ROR1: variants seen among roughly 807,000 people sequenced by gnomAD.
The protein encoded by ROR1 is ROR family WNT receptor 1, also known as inactive tyrosine-protein kinase transmembrane receptor ROR1.
Under a neutral mutation model 78.8 loss-of-function variants are expected in ROR1, and 19 were observed. The ratio of observed to expected loss-of-function variants is 0.24; its 90% CI spans 0.17 to 0.35. ROR1 has a LOEUF of 0.35. Ranked by LOEUF, ROR1 falls within the 10% of genes least tolerant of loss-of-function variation. The pLI is 1.00. For synonymous variants in ROR1, 386 were observed against 433.6 expected, an observed-to-expected ratio of 0.89 and a Z score of 1.36; for missense variants, 917 against 1,177.8, an observed-to-expected ratio of 0.78 and a Z score of 3.24.
rs927590672 is a variant in ROR1 at position 63,967,258 on chromosome 1, T to A, written c.92-42047T>A. Among the ~76,000 whole-genome samples the A allele has an allele frequency of 1.8e-4, 27 of 152,278 alleles. 1 individual carries two copies. The highest frequency in any genetic ancestry group is 1.0e-3 in the Admixed American group (16 of 15,300). ...TGGGAATAAGTATAAGAATTTTTCA[T>A]TCCTTCTGGAGAAATGACATCATGA... On this transcript the variant is annotated intron_variant, in intron 1 of 8. Transcript: ENST00000371079.
intron 1 of ROR1, among the ~76,000 whole-genome samples, chr1:63,856,715 C>G (rs973053888): frequency 6.6e-6 from 1 of 152,178 alleles, no homozygotes; most frequent in African/African-American, 2.4e-5. Context: ...CTTCCTTCTT[C>G]CAGGGATCAC....
At chr1:63,940,939 T>A (rs1384627339) in intron 1 of ROR1, among the ~76,000 whole-genome samples, 2 of 152,192 alleles carry the variant, frequency 1.3e-5, no homozygotes, top group Admixed American at 1.3e-4. Flanking sequence ...TGTGTAGTAT[T>A]CTGACCAACA....
At chr1:64,152,585 C>G (rs1364398110) in intron 7 of ROR1, among the ~76,000 whole-genome samples, 1 of 152,146 alleles carries the variant, frequency 6.6e-6, no homozygotes, top group East Asian at 1.9e-4. Flanking sequence ...TTGGTTACAT[C>G]AACAATTATT....
chr1:63,797,941 C>T (rs1644771653), intron 1 of ROR1, among the ~76,000 whole-genome samples: 1 of 151,578 alleles, frequency 6.6e-6, no homozygotes, highest in Admixed American at 6.6e-5. Context: ...CTAAATACTG[C>T]ACCACATAAT....
intron 1 of ROR1, among the ~76,000 whole-genome samples, chr1:63,807,057 C>A (rs192982407): frequency 6.6e-6 from 1 of 152,144 alleles, no homozygotes; most frequent in African/African-American, 2.4e-5. Flanking sequence ...AATTTAGTTT[C>A]TCAGAGTCTT....
At chr1:63,944,196 A>G (rs1645864486) in intron 1 of ROR1, among the ~76,000 whole-genome samples, 3 of 152,224 alleles carry the variant, frequency 2.0e-5, no homozygotes, top group Admixed American at 2.0e-4. Flanking sequence ...TGATACACAA[A>G]GAACCTACTT....
Position 64,011,747 on chromosome 1 carries a change from G to A in ROR1, c.163+2371G>A, listed in dbSNP as rs569209684. Among the ~76,000 whole-genome samples the A allele has an allele frequency of 5.9e-5, 9 of 152,292 alleles. No homozygotes were observed. In the East Asian group the frequency reaches 1.5e-3, roughly 26 times the overall value. ...TGCTTGGCATCATCTTTCTCTAGAA[G>A]GTAATTAGTGTATATTCTTTAATTT... is the stretch of plus-strand genomic sequence containing the variant. On this transcript the variant is annotated intron_variant, in intron 2 of 8. Coordinates refer to ENST00000371079, the MANE Select transcript of ROR1 (RefSeq NM_005012.4).
chr1:63,967,779 G>A (rs951816471), intron 1 of ROR1, among the ~76,000 whole-genome samples: 9 of 152,264 alleles, frequency 5.9e-5, no homozygotes, highest in African/African-American at 2.2e-4. Context: ...GAATTGGAGG[G>A]GGAGCTTGGA....
intron 1 of ROR1, among the ~76,000 whole-genome samples, chr1:63,965,185 A>C (rs1052258680): frequency 2.6e-5 from 4 of 152,140 alleles, no homozygotes; most frequent in African/African-American, 9.7e-5. Context: ...AATTTGCCCA[A>C]CGTTAACACA....
chr1:63,891,682 A>T (rs1164557899), intron 1 of ROR1, among the ~76,000 whole-genome samples: 1 of 152,108 alleles, frequency 6.6e-6, no homozygotes, highest in East Asian at 1.9e-4. Context: ...CAATCTGCAG[A>T]GGGCCCGGTA....
chr1:63,961,205 G>A (rs1482880654), intron 1 of ROR1, among the ~76,000 whole-genome samples: 2 of 152,034 alleles, frequency 1.3e-5, no homozygotes, highest in Non-Finnish European at 2.9e-5. Flanking sequence ...TGGCAAGGAT[G>A]TGGAAAACGG....
intron 1 of ROR1, among the ~76,000 whole-genome samples, chr1:63,781,948 T>A (rs1644653984): frequency 6.6e-6 from 1 of 152,162 alleles, no homozygotes; most frequent in Non-Finnish European, 1.5e-5. Context: ...ACTGGACTGC[T>A]TTGGGTATGG....
In ROR1 at chr1:64,077,851, A is replaced by G. The variant is rs115976216; in HGVS notation, c.482+27135A>G. Among the ~76,000 whole-genome samples the G allele has an allele frequency of 8.5e-3, 1,289 of 152,346 alleles. 19 individuals are homozygous for G. The highest frequency in any genetic ancestry group is 0.03 in the African/African-American group (1,237 of 41,576). On this transcript the variant is annotated intron_variant, in intron 4 of 8. Coordinates refer to ENST00000371079, the MANE Select transcript of ROR1 (RefSeq NM_005012.4). ...AGCATGTCCTTGCTAATTACAATAC[A>G]CAATCATTGCCTTATGTTGATGCAG...
chr1:64,080,878 G>A (rs930197610), intron 4 of ROR1, among the ~76,000 whole-genome samples: 2 of 152,174 alleles, frequency 1.3e-5, no homozygotes, highest in African/African-American at 2.4e-5. Flanking sequence ...CCAAGACGGT[G>A]GTATGAAAGC....
rs1644600955 is a variant in ROR1, at chr1:63,774,558, C to T, written c.91+50C>T. On this transcript the variant is annotated intron_variant, in intron 1 of 8. Coordinates refer to ENST00000371079, the MANE Select transcript of ROR1 (RefSeq NM_005012.4). The surrounding 1 kb of genome is among the most constrained non-coding windows in gnomAD (Gnocchi z 5.7). ...CCCGCCCAGACCCCCTGACCCGTGG[C>T]CACCCTTCCGCCGTCCAGCCGGGCG... 5.4e-6 allele frequency: 5 copies of T among 920,832 alleles called. No individual in the cohort carries two copies. Among genetic ancestry groups the T allele is most frequent in the African/African-American group, 1.8e-5 (1 of 54,460 alleles). 57.0% of individuals were successfully genotyped at this position (920,832 alleles called of 1,614,324 possible).
chr1:63,988,679 A>G (rs1425523491), intron 1 of ROR1, among the ~76,000 whole-genome samples: 2 of 152,024 alleles, frequency 1.3e-5, no homozygotes, highest in African/African-American at 2.4e-5. Flanking sequence ...CCATCATTCT[A>G]CTTTCTGTCC....
intron 4 of ROR1, among the ~76,000 whole-genome samples, chr1:64,059,131 C>G (rs902915969): frequency 6.6e-6 from 1 of 151,944 alleles, no homozygotes; most frequent in African/African-American, 2.4e-5. Flanking sequence ...CTTTTAATTT[C>G]TGTAACATCA....
chr1:63,775,281 G>T (rs778445835), intron 1 of ROR1: 1 of 152,240 alleles, frequency 6.6e-6, no homozygotes, highest in African/African-American at 2.4e-5. Context: ...AACAGTTAGA[G>T]AAAGACTTCA....
chr1:64,116,074 C>G (rs1375385386), intron 4 of ROR1, among the ~76,000 whole-genome samples: 1 of 152,060 alleles, frequency 6.6e-6, no homozygotes, highest in Middle Eastern at 3.2e-3. Flanking sequence ...GCACTGGGGA[C>G]CCAGATTTAC....
Sources: allele counts gnomAD v4.1 joint callset (sites outside exome capture counted in the v4.1 genomes callset), GRCh38; gene constraint gnomAD v4.1.1; non-coding constraint Gnocchi (gnomAD v3.1); transcripts MANE v1.5; gene names NCBI Gene and HGNC (gene_info 2026-07-23, HGNC 2026-07-21).